SASH1: variants seen among roughly 807,000 people sequenced by gnomAD.
The protein encoded by SASH1 is SAM and SH3 domain containing 1.
SASH1 carries 44 observed loss-of-function variants against 125.2 expected under a neutral mutation model. That is an observed-to-expected ratio of 0.35 (90% confidence interval 0.28 to 0.45). The LOEUF (loss-of-function observed/expected upper bound fraction) is 0.45, where lower values mean the gene tolerates loss of function less well. Among genes scored for constraint, SASH1 ranks in the 20% least tolerant of loss-of-function variants. SASH1 has a pLI of 1.00. For missense variants in SASH1, 1,426 were observed against 1,614.5 expected, an observed-to-expected ratio of 0.88 and a Z score of 2.00; for synonymous variants, 639 against 649.1, an observed-to-expected ratio of 0.98 and a Z score of 0.24.
At chr6:148,459,374 C>A (rs1777512046) in intron 4 of SASH1, among the ~76,000 whole-genome samples, 1 of 152,220 alleles carries the variant, frequency 6.6e-6, no homozygotes, top group Non-Finnish European at 1.5e-5. Flanking sequence ...GGCCGTGGCC[C>A]AGACACAACC....
the SASH1 span, among the ~76,000 whole-genome samples, chr6:148,235,644 C>T: frequency 6.6e-6 from 1 of 152,168 alleles, no homozygotes; most frequent in Non-Finnish European, 1.5e-5. Context: ...AAACCTACAG[C>T]TCCTTGTATT....
upstream of SASH1, among the ~76,000 whole-genome samples, chr6:148,340,698 A>T (rs563095356): frequency 1.3e-5 from 2 of 152,322 alleles, no homozygotes; most frequent in Admixed American, 1.3e-4. Flanking sequence ...TTGAAAACCC[A>T]TCTGGCCTAA....
At chr6:148,537,956 G>A (rs76424220) in intron 16 of SASH1, among the ~76,000 whole-genome samples, 3,950 of 152,086 alleles carry the variant, frequency 0.026, 185 homozygotes, top group African/African-American at 0.09. Context: ...TTGACTGTGA[G>A]AATTTTCAGC....
At chr6:148,434,572 A>G (rs993581435) in intron 2 of SASH1, among the ~76,000 whole-genome samples, 3 of 152,148 alleles carry the variant, frequency 2.0e-5, no homozygotes, top group Admixed American at 1.3e-4. Flanking sequence ...GTTACACTTA[A>G]CTTGGGATGG....
chr6:148,245,273 A>G, the SASH1 span, among the ~76,000 whole-genome samples: 1 of 152,234 alleles, frequency 6.6e-6, no homozygotes, highest in African/African-American at 2.4e-5. Context: ...GGAAGAGCAG[A>G]TAACACCAGG....
intron 4 of SASH1, among the ~76,000 whole-genome samples, chr6:148,455,470 G>A (rs779133160): frequency 7.9e-5 from 12 of 152,110 alleles, no homozygotes; most frequent in South Asian, 2.1e-4. Context: ...GTGCTGGTGC[G>A]CTCACAACAT....
chr6:148,235,286 T>G, the SASH1 span, among the ~76,000 whole-genome samples: 3 of 152,210 alleles, frequency 2.0e-5, no homozygotes, highest in Non-Finnish European at 4.4e-5. Flanking sequence ...TCATGTCATC[T>G]TAATCATTTG....
chr6:148,256,043 G>A, the SASH1 span, among the ~76,000 whole-genome samples: 1 of 152,164 alleles, frequency 6.6e-6, no homozygotes, highest in Admixed American at 6.5e-5. Context: ...GGTAATAAGG[G>A]TGAATTTTGT....
At position 148,495,764 on chromosome 6, in the gene SASH1, G is replaced by A. The variant is rs907129391; in HGVS notation, c.729+8049G>A. On this transcript the variant is annotated intron_variant, in intron 8 of 19. Coordinates refer to ENST00000367467, the MANE Select transcript of SASH1 (RefSeq NM_015278.5). The surrounding 1 kb of genome is among the most constrained non-coding windows in gnomAD (Gnocchi z 4.0). ...GACACATACTGTAGTACTTCAGTCGGCGTTGTAGGTCCGGTGAAAGTATCC... is the reference window on the plus strand; with the variant it reads ...GACACATACTGTAGTACTTCAGTCGACGTTGTAGGTCCGGTGAAAGTATCC... Among the ~76,000 whole-genome samples the A allele has an allele frequency of 6.6e-6, 1 of 152,170 alleles. No individual in the cohort carries two copies. Among genetic ancestry groups the A allele is most frequent in the African/African-American group, 2.4e-5 (1 of 41,448 alleles).
At chr6:148,375,324 A>G (rs1782850377) in intron 1 of SASH1, among the ~76,000 whole-genome samples, 1 of 152,078 alleles carries the variant, frequency 6.6e-6, no homozygotes, top group Non-Finnish European at 1.5e-5. Context: ...ACAGAGACAT[A>G]GAGATACATT....
chr6:148,247,581 G>T, the SASH1 span, among the ~76,000 whole-genome samples: 7 of 152,138 alleles, frequency 4.6e-5, no homozygotes, highest in African/African-American at 1.7e-4. Flanking sequence ...TATTGGCTGG[G>T]TTGATACTCA....
chr6:148,472,376 A>T (rs1443809409), intron 6 of SASH1, among the ~76,000 whole-genome samples: 1 of 151,808 alleles, frequency 6.6e-6, no homozygotes, highest in Non-Finnish European at 1.5e-5. Flanking sequence ...AAGTTGTCCT[A>T]CTTTTAAGCA....
chr6:148,326,419 T>TTTTCTTTTCTTTTCTTTTCTTTTCTTTTC (rs1562326411), intron 1 of SASH1, among the ~76,000 whole-genome samples: 2 of 80,540 alleles, frequency 2.5e-5, no homozygotes, highest in African/African-American at 8.6e-5. Context: ...CTTTTCTTTT[T>TTTTCTTTTCTTTTCTTTTCTTTTCTTTTC]TTTGAGACAG....
intron 1 of SASH1, among the ~76,000 whole-genome samples, chr6:148,367,505 C>G (rs906952524): frequency 6.6e-6 from 1 of 152,236 alleles, no homozygotes; most frequent in African/African-American, 2.4e-5. Flanking sequence ...TTTACGTCCT[C>G]GGGCTGAACC....
At chr6:148,324,256 T>A (rs576320165) in intron 1 of SASH1, among the ~76,000 whole-genome samples, 1 of 152,072 alleles carries the variant, frequency 6.6e-6, no homozygotes, top group South Asian at 2.1e-4. Context: ...TCCTTTGTAG[T>A]CAGGACACAT....
chr6:148,270,903 A>G (rs969053679), upstream of SASH1, among the ~76,000 whole-genome samples: 22 of 142,938 alleles, frequency 1.5e-4, no homozygotes, highest in African/African-American at 5.4e-4. Context: ...CTCATCCACA[A>G]CTTTTTTTTT....
chr6:148,208,358 G>A, the SASH1 span, among the ~76,000 whole-genome samples: 1 of 152,154 alleles, frequency 6.6e-6, no homozygotes, highest in Non-Finnish European at 1.5e-5. Flanking sequence ...TCCCTCCATT[G>A]GCATTGTTGG....
chr6:148,326,323 CATATATATATATATATAT>C lies in SASH1; in HGVS notation n.74+53963_74+53980del, dbSNP rs56276306. On this transcript the variant is annotated intron_variant and non_coding_transcript_variant, in intron 1 of 3. Coordinates refer to the SASH1 transcript ENST00000367469. ...GATTACAGGAGTGAGCCACCGCATG[CATATATATATATATATAT>C]ATATATATATATATATGCATATATA... Among the ~76,000 whole-genome samples the C allele has an allele frequency of 4.4e-3, 43 of 9,826 alleles. 4 individuals are homozygous for C. The highest frequency in any genetic ancestry group is 0.024 in the Admixed American group (12 of 506). The allele number at this position is 9,826 out of a possible 152,430, so 6.4% of individuals were successfully genotyped here.
Position 148,343,036 on chromosome 6 carries a change from T to TA in SASH1, c.-32_-31insA, listed in dbSNP as rs1393617305. Reference sequence around the variant, plus strand: ...TGCGGGGCGAGGGCGCCGCGGGGACTGGGACGCACGGCCCGCGCGCGGGAC... The same window carrying TA: ...TGCGGGGCGAGGGCGCCGCGGGGACTAGGGACGCACGGCCCGCGCGCGGGAC... On this transcript the variant is annotated 5_prime_UTR_variant, in exon 1 of 20. Transcript: ENST00000367467. The TA allele has an allele frequency of 8.2e-7, 1 of 1,219,582 alleles. No homozygotes were observed. Among genetic ancestry groups the TA allele is most frequent in the African/African-American group, 1.6e-5 (1 of 62,776 alleles). The allele number at this position is 1,219,582 out of a possible 1,614,324, so 75.5% of individuals were successfully genotyped here.
Sources: allele counts gnomAD v4.1 joint callset (sites outside exome capture counted in the v4.1 genomes callset), GRCh38; gene constraint gnomAD v4.1.1; non-coding constraint Gnocchi (gnomAD v3.1); transcripts MANE v1.5; gene names NCBI Gene and HGNC (gene_info 2026-07-23, HGNC 2026-07-21).